Variants in ZC3H12B observed in about 807,000 individuals in gnomAD.
ZC3H12B encodes zinc finger CCCH-type containing 12B.
ZC3H12B carries 7 observed loss-of-function variants against 43.9 expected under a neutral mutation model. The ratio of observed to expected loss-of-function variants is 0.16; its 90% CI spans 0.09 to 0.30. The LOEUF is 0.30. Ranked by LOEUF, ZC3H12B falls within the 10% of genes least tolerant of loss-of-function variation. The pLI, the probability that ZC3H12B is intolerant of heterozygous loss-of-function variation, is 1.00. For missense variants in ZC3H12B, 475 were observed against 670.2 expected (o/e 0.71, Z 3.22); for synonymous variants, 222 against 241.7 (o/e 0.92, Z 0.76).
At chrX:65,065,323 G>C in the ZC3H12B span, among the ~76,000 whole-genome samples, 2 of 111,650 alleles carry the variant, frequency 1.8e-5, no homozygotes, top group East Asian at 5.6e-4. Flanking sequence ...AGGAGCTCTT[G>C]TAAGGCAGGC....
chrX:65,219,642 A>T, the ZC3H12B span, among the ~76,000 whole-genome samples: 1 of 111,658 alleles, frequency 9.0e-6, no homozygotes, highest in Non-Finnish European at 1.9e-5. Context: ...GCCTCCAAGA[A>T]GTTGGAGATT....
At chrX:65,158,964 G>A in the ZC3H12B span, among the ~76,000 whole-genome samples, 1 of 111,880 alleles carries the variant, frequency 8.9e-6, no homozygotes, top group African/African-American at 3.3e-5. Context: ...GTGTAAGGAA[G>A]GGATCCAGTT....
chrX:65,451,092 C>A (rs752326531), intron 3 of ZC3H12B, among the ~76,000 whole-genome samples: 3 of 108,228 alleles, frequency 2.8e-5, no homozygotes, highest in Non-Finnish European at 5.7e-5. Context: ...GAATTACAGG[C>A]GCATGCCACC....
intron 4 of ZC3H12B, among the ~76,000 whole-genome samples, chrX:65,500,676 A>G (rs939088077): frequency 4.6e-5 from 5 of 108,202 alleles, no homozygotes; most frequent in Non-Finnish European, 9.6e-5. Context: ...TGATCCACCC[A>G]CCTCGGCCTC....
the ZC3H12B span, among the ~76,000 whole-genome samples, chrX:65,292,221 C>G: frequency 9.0e-6 from 1 of 111,714 alleles, no homozygotes; most frequent in Non-Finnish European, 1.9e-5. Flanking sequence ...AATTCTTTAT[C>G]TCACATGGAA....
At chrX:65,118,191 G>T in the ZC3H12B span, among the ~76,000 whole-genome samples, 107 of 111,635 alleles carry the variant, frequency 9.6e-4, no homozygotes, top group African/African-American at 2.3e-3. Context: ...TTCCTAAACA[G>T]GAGCATGGAA....
chrX:65,126,179 T>C, the ZC3H12B span, among the ~76,000 whole-genome samples: 1 of 110,522 alleles, frequency 9.0e-6, no homozygotes, highest in African/African-American at 3.3e-5. Flanking sequence ...AGTGCTGGCT[T>C]GGTAGTGGCA....
At chrX:65,437,272 A>G (rs2067232691) in intron 3 of ZC3H12B, among the ~76,000 whole-genome samples, 3 of 111,272 alleles carry the variant, frequency 2.7e-5, no homozygotes, top group Non-Finnish European at 3.8e-5. Context: ...ATATTTTTGT[A>G]CCCATTAACC....
intron 3 of ZC3H12B, among the ~76,000 whole-genome samples, chrX:65,443,135 A>G (rs2067325993): frequency 9.0e-6 from 1 of 111,475 alleles, no homozygotes; most frequent in African/African-American, 3.3e-5. Context: ...GTTCCTCCTC[A>G]TTATCAGTGT....
chrX:65,377,567 C>G (rs2066363930), intron 2 of ZC3H12B, among the ~76,000 whole-genome samples: 1 of 110,619 alleles, frequency 9.0e-6, no homozygotes, highest in South Asian at 3.8e-4. Flanking sequence ...ATACACCTGG[C>G]AGCAGACTTT....
chrX:65,310,082 A>G, the ZC3H12B span, among the ~76,000 whole-genome samples: 1 of 112,020 alleles, frequency 8.9e-6, no homozygotes, highest in South Asian at 3.7e-4. Flanking sequence ...CTCTTTGAAA[A>G]CTGGCACAAG....
At chrX:65,339,452 A>G in the ZC3H12B span, among the ~76,000 whole-genome samples, 1 of 112,305 alleles carries the variant, frequency 8.9e-6, no homozygotes, top group East Asian at 2.8e-4. Context: ...GAGTTGGCAA[A>G]GAGAGCTGCT....
At chrX:65,100,706 C>T in the ZC3H12B span, among the ~76,000 whole-genome samples, 41 of 109,321 alleles carry the variant, frequency 3.8e-4, 1 homozygote, top group East Asian at 0.011. Flanking sequence ...GCTAACTATC[C>T]TAAATATATA....
the ZC3H12B span, among the ~76,000 whole-genome samples, chrX:65,290,843 G>C: frequency 6.8e-3 from 749 of 110,631 alleles, 9 homozygotes; most frequent in African/African-American, 0.023. Flanking sequence ...ATATAATACA[G>C]ACTGGAAAGG....
the ZC3H12B span, among the ~76,000 whole-genome samples, chrX:65,265,364 G>T: frequency 1.8e-5 from 2 of 111,872 alleles, no homozygotes; most frequent in African/African-American, 6.5e-5. Flanking sequence ...TCCACCAAAA[G>T]ACATTGAAAT....
At chrX:65,054,063 G>C in the ZC3H12B span, among the ~76,000 whole-genome samples, 3 of 112,408 alleles carry the variant, frequency 2.7e-5, no homozygotes, top group Admixed American at 2.8e-4. Context: ...TAGGTTGCCT[G>C]TTCACTCTGA....
the ZC3H12B span, among the ~76,000 whole-genome samples, chrX:65,180,995 T>C: frequency 9.0e-6 from 1 of 111,133 alleles, no homozygotes; most frequent in Non-Finnish European, 1.9e-5. Context: ...CTACCTGACT[T>C]CAAACTATAC....
the ZC3H12B span, among the ~76,000 whole-genome samples, chrX:65,314,097 G>A: frequency 2.3e-3 from 254 of 111,197 alleles, 2 homozygotes; most frequent in African/African-American, 7.7e-3. Flanking sequence ...TTTGAAAATA[G>A]AGCAGTAGAA....
chrX:65,248,536 A>T, the ZC3H12B span, among the ~76,000 whole-genome samples: 1 of 111,999 alleles, frequency 8.9e-6, no homozygotes, highest in Non-Finnish European at 1.9e-5. Flanking sequence ...CACTATTTAA[A>T]AGGCACTAGG....
Sources: allele counts gnomAD v4.1 joint callset (sites outside exome capture counted in the v4.1 genomes callset), GRCh38; gene constraint gnomAD v4.1.1; transcripts MANE v1.5; gene names NCBI Gene and HGNC (gene_info 2026-07-23, HGNC 2026-07-21).